Variants in CPAMD8 observed in about 807,000 individuals in gnomAD.
The protein encoded by CPAMD8 is C3 and PZP-like alpha-2-macroglobulin domain-containing protein 8.
CPAMD8 carries 146 observed loss-of-function variants against 224.7 expected under a neutral mutation model. The observed-to-expected ratio is 0.65, with a 90% CI of 0.57 to 0.75. CPAMD8 has a LOEUF of 0.75. Among genes scored for constraint, CPAMD8 ranks in the 30% least tolerant of loss-of-function variants. The pLI, the probability that CPAMD8 is intolerant of heterozygous loss-of-function variation, is 0.00. For synonymous variants in CPAMD8, 966 were observed against 1,044.6 expected (o/e 0.92, Z 1.45); for missense variants, 2,301 against 2,537.5 (o/e 0.91, Z 2.00).
intron 19 of CPAMD8, among the ~76,000 whole-genome samples, chr19:16,954,368 C>T (rs1480958287): frequency 6.6e-6 from 1 of 150,566 alleles, no homozygotes; most frequent in African/African-American, 2.4e-5. Flanking sequence ...AAAAAGAGAA[C>T]AGCAAGTGTT....
intron 3 of CPAMD8, among the ~76,000 whole-genome samples, chr19:17,019,966 C>CT (rs2056910542): frequency 1.3e-4 from 15 of 115,898 alleles, no homozygotes; most frequent in African/African-American, 2.0e-4. Flanking sequence ...TTTTTTTTTT[C>CT]TTTTCTTTTT....
At chr19:16,982,024 G>A (rs1379959439) in intron 13 of CPAMD8, among the ~76,000 whole-genome samples, 1 of 152,204 alleles carries the variant, frequency 6.6e-6, no homozygotes, top group Non-Finnish European at 1.5e-5. Flanking sequence ...GTTAGGCTGA[G>A]GTGGGTGGAT....
At position 16,928,939 on chromosome 19, in the gene CPAMD8, T is replaced by C. The variant is rs751755821; in HGVS notation, c.3144+3A>G. ...ACAAGCCCCAGGCAGTTCTGCTGTA[T>C]ACCTGGATAAGGCCACCACGCCAGC... is the stretch of plus-strand genomic sequence containing the variant. On this transcript the variant is annotated splice_donor_region_variant and intron_variant, in intron 24 of 41. Coordinates refer to ENST00000443236, the MANE Select transcript of CPAMD8 (RefSeq NM_015692.5). 2 of 1,595,388 alleles carry C rather than the reference T, an allele frequency of 1.3e-6. No individual in the cohort carries two copies. Among genetic ancestry groups the C allele is most frequent in the South Asian group, 2.3e-5 (2 of 87,646 alleles).
intron 17 of CPAMD8, among the ~76,000 whole-genome samples, chr19:16,974,456 A>G (rs1412758334): frequency 5.3e-5 from 8 of 151,548 alleles, no homozygotes; most frequent in Admixed American, 1.3e-4. Context: ...AACCAAGTTA[A>G]CCAAAGCCGA....
Position 16,905,133 on chromosome 19 carries a change from C to A in CPAMD8, c.4028-581G>T, listed in dbSNP as rs182583665. Among the ~76,000 whole-genome samples the A allele has an allele frequency of 1.4e-3, 216 of 152,042 alleles. 2 individuals carry two copies. The highest frequency in any genetic ancestry group is 5.1e-3 in the African/African-American group (210 of 41,480). ...GTGCACACCTGTAATCCTAGCTACT[C>A]AGGAGGCTGAGGCAGGAGAATTGCT... On this transcript the variant is annotated intron_variant, in intron 30 of 41. Transcript: ENST00000443236.
At chr19:16,934,808 T>C (rs752387085) in intron 23 of CPAMD8, among the ~76,000 whole-genome samples, 5 of 152,308 alleles carry the variant, frequency 3.3e-5, no homozygotes, top group Admixed American at 6.5e-5. Context: ...TGGTAAAATA[T>C]ATATAACATA....
intron 11 of CPAMD8, among the ~76,000 whole-genome samples, chr19:16,995,846 C>G (rs1374966416): frequency 1.3e-5 from 2 of 152,130 alleles, no homozygotes; most frequent in Non-Finnish European, 2.9e-5. Flanking sequence ...AAGATCCCAT[C>G]TCTACAAAAA....
At chr19:16,971,940 G>A (rs2055077929) in intron 17 of CPAMD8, among the ~76,000 whole-genome samples, 1 of 152,044 alleles carries the variant, frequency 6.6e-6, no homozygotes, top group African/African-American at 2.4e-5. Flanking sequence ...CCAGCTACTT[G>A]GGAGGCTGAG....
chr19:16,991,797 G>A (rs2055960897), intron 12 of CPAMD8, among the ~76,000 whole-genome samples: 1 of 151,810 alleles, frequency 6.6e-6, no homozygotes, highest in Admixed American at 6.6e-5. Context: ...CGAGGTTGCA[G>A]TGAGCCAAGA....
At position 16,950,255 on chromosome 19, in the gene CPAMD8, G is replaced by A. The variant is rs1365016871; in HGVS notation, c.2508+1714C>T. Among the ~76,000 whole-genome samples, 6 of 152,124 alleles carry A rather than the reference G, an allele frequency of 3.9e-5. No homozygotes were observed. In the East Asian group the frequency reaches 7.7e-4, roughly 20 times the overall value. ...GGAGGTTGCAGTGAGCCAAGATCACGCCACTGCACTCCAGCCTGGGTGACA... is the reference window on the plus strand; with the variant it reads ...GGAGGTTGCAGTGAGCCAAGATCACACCACTGCACTCCAGCCTGGGTGACA... On this transcript the variant is annotated intron_variant, in intron 20 of 41. Transcript: ENST00000443236.
intron 21 of CPAMD8, among the ~76,000 whole-genome samples, chr19:16,946,261 C>G (rs2054077927): frequency 6.8e-6 from 1 of 147,832 alleles, no homozygotes; most frequent in African/African-American, 2.5e-5. Flanking sequence ...CACATGTGGG[C>G]ATGTGTGTGT....
intron 22 of CPAMD8, among the ~76,000 whole-genome samples, chr19:16,945,119 T>C (rs1403907444): frequency 2.6e-5 from 4 of 152,162 alleles, no homozygotes; most frequent in Non-Finnish European, 5.9e-5. Context: ...GATTCATAGC[T>C]GGGGGTCTGC....
chr19:16,961,890 G>A (rs929715066), intron 18 of CPAMD8, among the ~76,000 whole-genome samples: 3 of 152,190 alleles, frequency 2.0e-5, no homozygotes, highest in African/African-American at 7.2e-5. Flanking sequence ...GTGATACGCA[G>A]GCAGACAGGG....
rs1442217661 is a variant in CPAMD8, at chr19:16,947,061, G to C, written c.2662+13C>G. The C allele has an allele frequency of 6.3e-7, 1 of 1,590,676 alleles. No homozygotes were observed. The highest frequency in any genetic ancestry group is 2.3e-5 in the East Asian group (1 of 44,044). ...GGAGAGGGGGGACACCCCAAGAACTGTGGGGTCCTCACCCGTGATGTTGTT... is the reference window on the plus strand; with the variant it reads ...GGAGAGGGGGGACACCCCAAGAACTCTGGGGTCCTCACCCGTGATGTTGTT... On this transcript the variant is annotated intron_variant, in intron 21 of 41. Transcript: ENST00000443236.
chr19:16,917,547 C>A (rs1020569407), intron 27 of CPAMD8, among the ~76,000 whole-genome samples: 22 of 152,180 alleles, frequency 1.4e-4, no homozygotes, highest in African/African-American at 4.8e-4. Context: ...TGAGACCAGC[C>A]TGGGCAACAC....
At chr19:16,942,330 T>C (rs1382228012) in intron 22 of CPAMD8, among the ~76,000 whole-genome samples, 1 of 151,810 alleles carries the variant, frequency 6.6e-6, no homozygotes, top group South Asian at 2.1e-4. Flanking sequence ...GGTGTGGTGG[T>C]GCATGCCTGT....
At chr19:16,990,668 T>G (rs560646750) in intron 12 of CPAMD8, among the ~76,000 whole-genome samples, 11 of 151,662 alleles carry the variant, frequency 7.3e-5, no homozygotes, top group South Asian at 2.1e-4. Context: ...ATCGAGACCA[T>G]CCTGGCCAAC....
rs1269045259 is a variant in CPAMD8, at chr19:16,954,528, C to G, written c.2277-2328G>C. Among the ~76,000 whole-genome samples, 5 of 152,034 alleles carry G rather than the reference C, an allele frequency of 3.3e-5. No individual in the cohort carries two copies. In the East Asian group the frequency reaches 9.7e-4, roughly 29 times the overall value. On this transcript the variant is annotated intron_variant, in intron 19 of 41. Coordinates refer to ENST00000443236, the MANE Select transcript of CPAMD8 (RefSeq NM_015692.5). ...AGCAATTCTACTTCTGGGTATACAC[C>G]CAAAAGAATGGGAAGCAGGGTCTCA...
intron 25 of CPAMD8, 118 bp from the exon 26 acceptor site, chr19:16,925,490 C>G: frequency 1.3e-6 from 1 of 794,004 alleles, no homozygotes; most frequent in Non-Finnish European, 2.1e-6. Flanking sequence ...CCCAACTGCC[C>G]TTTGGGACTG....
Sources: gnomAD v4.1 joint callset for allele counts (sites outside exome capture counted in the v4.1 genomes callset) on GRCh38, gnomAD v4.1.1 for gene constraint, MANE v1.5 for transcripts, NCBI Gene and HGNC (gene_info 2026-07-23, HGNC 2026-07-21) for gene names.